DPY19L1: variants seen among roughly 807,000 people sequenced by gnomAD.
The protein encoded by DPY19L1 is protein C-mannosyl-transferase DPY19L1.
A neutral mutation model predicts 96.9 loss-of-function variants in DPY19L1; 35 were observed. That is an observed-to-expected ratio of 0.36 (90% confidence interval 0.28 to 0.48). The LOEUF is 0.48. Among genes scored for constraint, DPY19L1 ranks in the 20% least tolerant of loss-of-function variants. The pLI, the probability that DPY19L1 is intolerant of heterozygous loss-of-function variation, is 0.99. For synonymous variants in DPY19L1, 205 were observed against 252.6 expected (o/e 0.81, Z 1.79); for missense variants, 521 against 777.9 (o/e 0.67, Z 3.93).
chr7:35,005,184 G>A (rs186685169), intron 6 of DPY19L1, among the ~76,000 whole-genome samples: 4 of 152,060 alleles, frequency 2.6e-5, no homozygotes, highest in African/African-American at 9.6e-5. Flanking sequence ...TTTAAGGAGA[G>A]TAGTAGGAAC....
In DPY19L1 at chr7:35,013,553, GA is replaced by G. The variant is rs1785767183; in HGVS notation, c.549+14del. The G allele has an allele frequency of 1.2e-6, 2 of 1,603,760 alleles. No homozygotes were observed. The stretch of plus-strand genomic sequence containing the variant: ...TTACAAAAGTGAAAAATCACAATTG[GA>G]AAAAGTACCTTACCTCAGGGTAAAG... On this transcript the variant is annotated intron_variant, in intron 4 of 21. Coordinates refer to ENST00000638088, the MANE Select transcript of DPY19L1 (RefSeq NM_001366673.1).
chr7:34,986,443 T>C (rs1442385314), intron 7 of DPY19L1, among the ~76,000 whole-genome samples: 1 of 152,022 alleles, frequency 6.6e-6, no homozygotes, highest in African/African-American at 2.4e-5. Context: ...TTAAAACAAA[T>C]AATTTTTTAA....
intron 6 of DPY19L1, among the ~76,000 whole-genome samples, chr7:35,006,451 G>A (rs1288187552): frequency 6.6e-6 from 1 of 152,124 alleles, no homozygotes; most frequent in Non-Finnish European, 1.5e-5. Context: ...AAACTAGGGG[G>A]AAAGTTCTAA....
intron 13 of DPY19L1, among the ~76,000 whole-genome samples, chr7:34,951,569 T>C (rs546746710): frequency 3.6e-4 from 54 of 151,432 alleles, no homozygotes; most frequent in Non-Finnish European, 6.9e-4. Context: ...ACAAAGAAAA[T>C]TTTAGCTTTA....
At position 34,959,361 on chromosome 7, in the gene DPY19L1, T is replaced by A. The variant is rs151244636; in HGVS notation, c.1093-1291A>T. Among the ~76,000 whole-genome samples, 394 of 152,348 alleles carry A rather than the reference T, an allele frequency of 2.6e-3. 2 individuals are homozygous for A. Among genetic ancestry groups the A allele is most frequent in the African/African-American group, 9.0e-3 (374 of 41,580 alleles). On this transcript the variant is annotated intron_variant, in intron 10 of 21. Coordinates refer to ENST00000638088, the MANE Select transcript of DPY19L1 (RefSeq NM_001366673.1). ...CCATTTGACCCAGCAATCCCATTGC[T>A]GGGTACATACTCAAAGGATTATAAA...
At chr7:34,937,407 A>G (rs1344245369) in intron 21 of DPY19L1, among the ~76,000 whole-genome samples, 7 of 152,198 alleles carry the variant, frequency 4.6e-5, no homozygotes, top group Non-Finnish European at 1.0e-4. Flanking sequence ...GACTTCACCA[A>G]AAGAGACTCC....
chr7:35,028,940 G>C (rs541748182), intron 1 of DPY19L1, among the ~76,000 whole-genome samples: 3 of 152,322 alleles, frequency 2.0e-5, no homozygotes, highest in Admixed American at 2.0e-4. Context: ...ATGTATTACA[G>C]TTAGTGTATA....
chr7:35,026,920 G>A (rs923347319), intron 1 of DPY19L1, among the ~76,000 whole-genome samples: 3 of 152,176 alleles, frequency 2.0e-5, no homozygotes, highest in African/African-American at 7.2e-5. Context: ...GGGTTGGCCA[G>A]GCATGGTGGC....
At chr7:34,991,129 G>A (rs879656230) in intron 6 of DPY19L1, among the ~76,000 whole-genome samples, 3 of 152,234 alleles carry the variant, frequency 2.0e-5, no homozygotes, top group Non-Finnish European at 4.4e-5. Flanking sequence ...CCACAGAGCA[G>A]AAGACACAGC....
At chr7:35,031,969 T>C (rs745901943) in intron 1 of DPY19L1, among the ~76,000 whole-genome samples, 44 of 152,312 alleles carry the variant, frequency 2.9e-4, no homozygotes, top group Non-Finnish European at 4.7e-4. Context: ...GTTGGGTCTA[T>C]GTGTCTGTTT....
chr7:34,934,442 AC>A (rs1783822788), intron 21 of DPY19L1, among the ~76,000 whole-genome samples: 3 of 152,184 alleles, frequency 2.0e-5, no homozygotes, highest in Middle Eastern at 3.2e-3. Context: ...TCTCATATGT[AC>A]TATTTAACCA....
At chr7:34,998,087 T>C (rs1412408274) in intron 6 of DPY19L1, among the ~76,000 whole-genome samples, 1 of 152,212 alleles carries the variant, frequency 6.6e-6, no homozygotes, top group Non-Finnish European at 1.5e-5. Context: ...ATCTCTCAGA[T>C]ATCAGAGAAA....
At chr7:34,992,348 T>C (rs2128672868) in intron 6 of DPY19L1, among the ~76,000 whole-genome samples, 1 of 152,274 alleles carries the variant, frequency 6.6e-6, no homozygotes, top group South Asian at 2.1e-4. Flanking sequence ...CCTCTGACTG[T>C]CAAATGTGAA....
At chr7:34,987,473 G>A (rs1448491297) in intron 7 of DPY19L1, among the ~76,000 whole-genome samples, 1 of 151,988 alleles carries the variant, frequency 6.6e-6, no homozygotes, top group Non-Finnish European at 1.5e-5. Flanking sequence ...AAAACCATAT[G>A]AGGAAAAAGA....
intron 21 of DPY19L1, among the ~76,000 whole-genome samples, chr7:34,933,044 T>C (rs1452965114): frequency 6.6e-6 from 1 of 152,172 alleles, no homozygotes; most frequent in Non-Finnish European, 1.5e-5. Flanking sequence ...TAGACCTACA[T>C]ACATTTTAAG....
At chr7:35,025,860 C>T (rs922377962) in intron 1 of DPY19L1, among the ~76,000 whole-genome samples, 1 of 152,172 alleles carries the variant, frequency 6.6e-6, no homozygotes, top group African/African-American at 2.4e-5. Flanking sequence ...CTGTGCCACA[C>T]AAATATTACC....
intron 21 of DPY19L1, among the ~76,000 whole-genome samples, chr7:34,932,660 A>G (rs1158460627): frequency 6.6e-6 from 1 of 152,226 alleles, no homozygotes; most frequent in African/African-American, 2.4e-5. Context: ...CAAAAGCAAC[A>G]TATCTTTATA....
At chr7:34,987,538 C>A (rs1785076975) in intron 7 of DPY19L1, among the ~76,000 whole-genome samples, 1 of 151,980 alleles carries the variant, frequency 6.6e-6, no homozygotes, top group African/African-American at 2.4e-5. Context: ...CAGCAAACTA[C>A]ATAATGGAAA....
chr7:35,006,244 T>C (rs1785552952), intron 6 of DPY19L1, among the ~76,000 whole-genome samples: 1 of 152,138 alleles, frequency 6.6e-6, no homozygotes, highest in Non-Finnish European at 1.5e-5. Context: ...TAATACACTA[T>C]CCAATCTATT....
Sources: allele counts gnomAD v4.1 joint callset (sites outside exome capture counted in the v4.1 genomes callset), GRCh38; gene constraint gnomAD v4.1.1; transcripts MANE v1.5; gene names NCBI Gene and HGNC (gene_info 2026-07-23, HGNC 2026-07-21).